Variants in CACNA2D1 observed in about 807,000 individuals in gnomAD.
CACNA2D1 encodes calcium voltage-gated channel auxiliary subunit alpha2delta 1.
CACNA2D1 carries 53 observed loss-of-function variants against 171.5 expected under a neutral mutation model. The observed-to-expected ratio is 0.31, with a 90% CI of 0.25 to 0.39. The LOEUF (loss-of-function observed/expected upper bound fraction) is 0.39, where lower values mean the gene tolerates loss of function less well. CACNA2D1 is among the 10% of genes least tolerant of loss of function. The probability of loss-of-function intolerance (pLI) is 1.00; values close to 1 mark genes in which losing one functional copy is unlikely to be tolerated. For synonymous variants in CACNA2D1, 442 were observed against 443.1 expected (o/e 1.00, Z 0.03); for missense variants, 903 against 1,299.8 (o/e 0.69, Z 4.69).
At chr7:82,258,226 A>C (rs1806534918) in intron 3 of CACNA2D1, among the ~76,000 whole-genome samples, 1 of 152,080 alleles carries the variant, frequency 6.6e-6, no homozygotes, top group African/African-American at 2.4e-5. Flanking sequence ...ATGTGCTCAC[A>C]ATGCCTTTTA....
At chr7:82,427,730 G>A (rs772744016) in intron 1 of CACNA2D1, among the ~76,000 whole-genome samples, 1 of 152,198 alleles carries the variant, frequency 6.6e-6, no homozygotes, top group South Asian at 2.1e-4. Context: ...CAAGTTCCAT[G>A]AAATAATTAA....
chr7:82,058,966 A>AGGGATAAAT (rs1806275307), intron 10 of CACNA2D1, among the ~76,000 whole-genome samples: 1 of 152,146 alleles, frequency 6.6e-6, no homozygotes, highest in African/African-American at 2.4e-5. Flanking sequence ...AAAACATTTC[A>AGGGATAAAT]GGGATAAATT....
chr7:81,964,082 A>G lies in CACNA2D1; in HGVS notation c.2754T>C (p.Ile918=). ...YVPSVADILQ[I]GWWATAAAWS... ...AGGCAGCAGCAGTGGCCCACCAGCC[A>G]ATTTGTAATATGTCTGCTACTGATG... The change falls in exon 34 of 39, where the codon ATT becomes ATC. Residue 918 remains isoleucine (I), a synonymous_variant. Coordinates refer to ENST00000356860, the MANE Select transcript of CACNA2D1 (RefSeq NM_000722.4). 1 of 1,612,278 alleles carries G rather than the reference A, an allele frequency of 6.2e-7. No individual in the cohort carries two copies. The highest frequency in any genetic ancestry group is 8.5e-7 in the Non-Finnish European group (1 of 1,178,942).
At chr7:82,419,422 A>ATAGCCTAATTTCCGCTCCAT (rs1179589838) in intron 1 of CACNA2D1, among the ~76,000 whole-genome samples, 3 of 152,158 alleles carry the variant, frequency 2.0e-5, no homozygotes, top group Non-Finnish European at 4.4e-5. Flanking sequence ...GGCAGGATAG[A>ATAGCCTAATTTCCGCTCCAT]TAGCCTAATT....
At position 82,443,481 on chromosome 7, in the gene CACNA2D1, C is replaced by T. The variant is rs1216420313; in HGVS notation, c.-22G>A. The T allele has an allele frequency of 8.1e-6, 13 of 1,603,786 alleles. No homozygotes were observed. The highest frequency in any genetic ancestry group is 9.4e-6 in the Non-Finnish European group (11 of 1,175,060). ...CCATCTTCGCGATCGAAGATCAATG[C>T]CCCCTCCCTGCCCAAGCGGGGGAAG... On this transcript the variant is annotated 5_prime_UTR_variant, in exon 1 of 39. Transcript: ENST00000356860.
intron 3 of CACNA2D1, among the ~76,000 whole-genome samples, chr7:82,285,014 A>T (rs201594583): frequency 6.6e-6 from 1 of 152,082 alleles, no homozygotes; most frequent in Admixed American, 6.6e-5. Context: ...CTAGCAATAG[A>T]TCAAATAAGC....
intron 23 of CACNA2D1, 132 bp from the exon 24 acceptor site, chr7:81,982,759 T>A (rs770856407): frequency 3.1e-5 from 23 of 738,008 alleles, no homozygotes; most frequent in Non-Finnish European, 5.2e-5. Flanking sequence ...ATCCTAAAAT[T>A]GAAACATATC....
At chr7:82,189,485 C>T (rs532067183) in intron 3 of CACNA2D1, among the ~76,000 whole-genome samples, 42 of 151,854 alleles carry the variant, frequency 2.8e-4, no homozygotes, top group South Asian at 2.1e-4. Context: ...GAAATAATCA[C>T]GATGAGAAAT....
At chr7:82,326,553 G>A (rs937416600) in intron 3 of CACNA2D1, among the ~76,000 whole-genome samples, 5 of 152,162 alleles carry the variant, frequency 3.3e-5, no homozygotes, top group African/African-American at 1.2e-4. Flanking sequence ...AAAGCATCTG[G>A]ACCATAGCAG....
chr7:82,279,834 T>C (rs981602479), intron 3 of CACNA2D1, among the ~76,000 whole-genome samples: 1 of 152,200 alleles, frequency 6.6e-6, no homozygotes, highest in African/African-American at 2.4e-5. Context: ...AGTTATTTTT[T>C]TAACCTAAAA....
At chr7:82,219,266 T>C (rs919705927) in intron 3 of CACNA2D1, among the ~76,000 whole-genome samples, 1 of 152,160 alleles carries the variant, frequency 6.6e-6, no homozygotes, top group African/African-American at 2.4e-5. Context: ...ATTTGATAGT[T>C]TGTATTATTG....
rs1211113391 is a variant in CACNA2D1 at position 82,217,620 on chromosome 7, T to C, written c.295-47011A>G. On this transcript the variant is annotated intron_variant, in intron 3 of 38. Coordinates refer to ENST00000356860, the MANE Select transcript of CACNA2D1 (RefSeq NM_000722.4). ...GCCAAAAACTGAAGATCTATCAACA[T>C]TCATGGCACAGTTTCACACACACAC... Among the ~76,000 whole-genome samples, 3 of 135,116 alleles carry C rather than the reference T, an allele frequency of 2.2e-5. No homozygotes were observed. In the East Asian group the frequency reaches 6.3e-4, roughly 28 times the overall value. The allele number at this position is 135,116 out of a possible 152,430, so 88.6% of individuals were successfully genotyped here. A position where few individuals can be genotyped will look rare whatever the true frequency, so the allele number is the denominator to read the frequency against.
intron 1 of CACNA2D1, among the ~76,000 whole-genome samples, chr7:82,439,857 A>G (rs1037030070): frequency 6.6e-6 from 1 of 151,838 alleles, no homozygotes; most frequent in African/African-American, 2.4e-5. Flanking sequence ...TTTATTTTAC[A>G]TTTAATATTT....
At chr7:81,983,909 T>A (rs1447050165) in intron 22 of CACNA2D1, among the ~76,000 whole-genome samples, 3 of 152,174 alleles carry the variant, frequency 2.0e-5, no homozygotes, top group Admixed American at 2.0e-4. Flanking sequence ...TACTTCATCC[T>A]CACAGAAAAA....
At chr7:82,215,470 T>A (rs1194243153) in intron 3 of CACNA2D1, among the ~76,000 whole-genome samples, 2 of 152,206 alleles carry the variant, frequency 1.3e-5, no homozygotes, top group African/African-American at 4.8e-5. Context: ...CAAGAAATCT[T>A]GTAATTTCAC....
chr7:82,338,335 A>C (rs1248142296), intron 2 of CACNA2D1, among the ~76,000 whole-genome samples: 3 of 148,886 alleles, frequency 2.0e-5, no homozygotes, highest in Non-Finnish European at 4.5e-5. Flanking sequence ...TTTTTTATTT[A>C]AAAAAAAAAG....
intron 7 of CACNA2D1, among the ~76,000 whole-genome samples, chr7:82,077,109 A>T (rs10954662): frequency 6.6e-6 from 1 of 151,994 alleles, no homozygotes; most frequent in Non-Finnish European, 1.5e-5. Flanking sequence ...ATTTAGATGT[A>T]TAAGTTGACT....
At chr7:82,112,855 C>T (rs1415926601) in intron 6 of CACNA2D1, among the ~76,000 whole-genome samples, 3 of 152,088 alleles carry the variant, frequency 2.0e-5, no homozygotes, top group Non-Finnish European at 1.5e-5. Flanking sequence ...TAAGATACAG[C>T]GGCTATATCT....
At chr7:82,170,291 T>C (rs1488301750) in intron 4 of CACNA2D1, among the ~76,000 whole-genome samples, 3 of 151,822 alleles carry the variant, frequency 2.0e-5, no homozygotes, top group Non-Finnish European at 4.4e-5. Context: ...CCTTTAATTA[T>C]GGGAGAACAT....
Sources: gnomAD v4.1 joint callset for allele counts (sites outside exome capture counted in the v4.1 genomes callset) on GRCh38, gnomAD v4.1.1 for gene constraint, MANE v1.5 for transcripts, NCBI Gene and HGNC (gene_info 2026-07-23, HGNC 2026-07-21) for gene names.